TANGO6: variants seen among roughly 807,000 people sequenced by gnomAD.
The protein encoded by TANGO6 is transport and Golgi organization protein 6 homolog.
A neutral mutation model predicts 114.2 loss-of-function variants in TANGO6; 90 were observed. The observed-to-expected ratio is 0.79, with a 90% CI of 0.66 to 0.94. The LOEUF is 0.94. Among genes scored for constraint, TANGO6 ranks in the 40% least tolerant of loss-of-function variants. The pLI is 0.00. For synonymous variants in TANGO6, 477 were observed against 509.8 expected (o/e 0.94, Z 0.87); for missense variants, 1,274 against 1,315.3 (o/e 0.97, Z 0.49).
chr16:69,016,849 A>T (rs1001435972), intron 15 of TANGO6, among the ~76,000 whole-genome samples: 2 of 151,964 alleles, frequency 1.3e-5, no homozygotes, highest in African/African-American at 4.8e-5. Flanking sequence ...TTTAGTAGAG[A>T]TGGGTTTCAC....
chr16:69,021,725 A>G (rs1370962005), intron 15 of TANGO6, among the ~76,000 whole-genome samples: 1 of 152,094 alleles, frequency 6.6e-6, no homozygotes, highest in African/African-American at 2.4e-5. Context: ...TAAGACAGGG[A>G]AAAGTAGGCT....
intron 9 of TANGO6, among the ~76,000 whole-genome samples, 191 bp from the exon 10 acceptor site, chr16:68,907,252 C>A (rs1214160000): frequency 6.6e-6 from 1 of 152,018 alleles, no homozygotes; most frequent in African/African-American, 2.4e-5. Flanking sequence ...TGGCCCATAA[C>A]AGCCTAGTTT....
rs536460853 is a variant in TANGO6 at position 68,909,364 on chromosome 16, G to A, written c.1954G>A (p.Glu652Lys). 6.9e-6 allele frequency: 11 copies of A among 1,585,840 alleles called. No homozygotes were observed. Among genetic ancestry groups the A allele is most frequent in the South Asian group, 5.7e-5 (5 of 87,152 alleles). The change falls in exon 11 of 18, where the codon GAG (glutamate) becomes AAG (lysine). Residue 652 changes from glutamate (E) to lysine (K), a missense_variant. Glu to Lys is a moderately conservative substitution (Grantham distance 56, BLOSUM62 1). Around this residue, in one of 5 missense-constraint regions of TANGO6, gnomAD observed 908 missense variants for 910.2 expected, o/e 1.00. Coordinates refer to ENST00000261778, the MANE Select transcript of TANGO6 (RefSeq NM_024562.2). ...CCTGCAGCTGATGGCTGTTCTGTGC[G>A]AGAGAATGTCTGAGCAGATATTCAC... ...LVLQLMAVLC[E>K]RMSEQIFTNV...
intron 15 of TANGO6, among the ~76,000 whole-genome samples, chr16:68,987,196 C>T (rs2152216940): frequency 6.6e-6 from 1 of 151,816 alleles, no homozygotes; most frequent in African/African-American, 2.4e-5. Flanking sequence ...AATATAAATT[C>T]TCATCTATGT....
intron 15 of TANGO6, among the ~76,000 whole-genome samples, chr16:69,009,298 C>G (rs921302928): frequency 6.6e-6 from 1 of 151,896 alleles, no homozygotes; most frequent in Non-Finnish European, 1.5e-5. Context: ...TAAGGCTGGT[C>G]TCGAACTCCT....
At chr16:68,850,456 A>G (rs567097674) in intron 1 of TANGO6, among the ~76,000 whole-genome samples, 1 of 152,334 alleles carries the variant, frequency 6.6e-6, no homozygotes, top group Non-Finnish European at 1.5e-5. Context: ...ATCCAGGTCT[A>G]TAATCTTTTC....
rs775553124 is a variant in TANGO6, at chr16:68,974,046, AC to A, written c.2721del (p.Asp907GlufsTer28). 6.2e-7 allele frequency: 1 copy of A among 1,610,014 alleles called. No homozygotes were observed. Among genetic ancestry groups the A allele is most frequent in the South Asian group, 1.1e-5 (1 of 90,234 alleles). On this transcript the variant is annotated frameshift_variant, in exon 15 of 18. Coordinates refer to ENST00000261778, the MANE Select transcript of TANGO6 (RefSeq NM_024562.2). LOFTEE classifies it high-confidence loss of function. ...SAIQGVALLS[D>X]VYPEKILPDL... ...ACCCCAGGGGTTGCCCTGCTGTCAG[AC>A]GTCTATCCTGAGAAAATCTTGCCGG...
At chr16:69,038,128 A>G (rs1022952381) in intron 16 of TANGO6, among the ~76,000 whole-genome samples, 3 of 152,312 alleles carry the variant, frequency 2.0e-5, no homozygotes, top group African/African-American at 4.8e-5. Context: ...AGTAAGTCCA[A>G]TAACAAAAGT....
In TANGO6 at chr16:68,875,134, ATC is replaced by A; in HGVS notation, c.995-13_995-12del. 1.9e-6 allele frequency: 3 copies of A among 1,607,052 alleles called. No homozygotes were observed. Among genetic ancestry groups the A allele is most frequent in the Non-Finnish European group, 2.6e-6 (3 of 1,174,660 alleles). On this transcript the variant is annotated intron_variant, in intron 4 of 17. Transcript: ENST00000261778. ...TGGGGAATTGCTGTGAGCTGCTAACATCTCTCTCCATTGTGCCAGCGGGAGCA... is the reference window on the plus strand; with the variant it reads ...TGGGGAATTGCTGTGAGCTGCTAACATCTCTCCATTGTGCCAGCGGGAGCA...
intron 4 of TANGO6, among the ~76,000 whole-genome samples, chr16:68,870,193 G>T (rs1044171460): frequency 3.9e-5 from 6 of 152,174 alleles, no homozygotes. Context: ...GAAATGGAGA[G>T]AAATGAATGG....
At chr16:68,877,469 A>G (rs1318181089) in intron 5 of TANGO6, among the ~76,000 whole-genome samples, 1 of 79,956 alleles carries the variant, frequency 1.3e-5, no homozygotes, top group Non-Finnish European at 2.3e-5. Context: ...CTCCATCTCA[A>G]AAAAAAAAAA....
intron 15 of TANGO6, among the ~76,000 whole-genome samples, chr16:68,983,809 G>A (rs539713820): frequency 5.3e-5 from 8 of 152,076 alleles, no homozygotes; most frequent in African/African-American, 1.4e-4. Flanking sequence ...CGAGGCGGGC[G>A]GATCATGAGG....
At chr16:68,988,692 C>CTCTTTT (rs776428911) in intron 15 of TANGO6, among the ~76,000 whole-genome samples, 9 of 112,446 alleles carry the variant, frequency 8.0e-5, no homozygotes, top group African/African-American at 3.2e-4. Context: ...TTCTCTCTCT[C>CTCTTTT]TTTTTTTTTT....
intron 17 of TANGO6, among the ~76,000 whole-genome samples, chr16:69,065,186 C>A (rs1960195352): frequency 6.6e-6 from 1 of 152,224 alleles, no homozygotes; most frequent in East Asian, 1.9e-4. Flanking sequence ...TTTGCCACCG[C>A]TGCTCCTGCC....
chr16:68,865,352 C>G (rs1962160099), intron 3 of TANGO6, among the ~76,000 whole-genome samples: 1 of 151,436 alleles, frequency 6.6e-6, no homozygotes, highest in Non-Finnish European at 1.5e-5. Flanking sequence ...CTAGAACATT[C>G]AAACTGCAGC....
At chr16:68,900,253 C>CCTGT in intron 7 of TANGO6, 181 bp from the exon 8 acceptor site, 1 of 588,830 alleles carries the variant, frequency 1.7e-6, no homozygotes, top group East Asian at 2.8e-5. Flanking sequence ...CTTGTTTCAG[C>CCTGT]CTGTCTGCCA....
At chr16:68,925,946 T>C (rs1963161660) in intron 12 of TANGO6, among the ~76,000 whole-genome samples, 1 of 151,214 alleles carries the variant, frequency 6.6e-6, no homozygotes, top group South Asian at 2.1e-4. Context: ...ATTTAAAGCC[T>C]TTGCTCCTTT....
chr16:68,985,198 TG>T (rs1963878623), intron 15 of TANGO6, among the ~76,000 whole-genome samples: 1 of 152,204 alleles, frequency 6.6e-6, no homozygotes, highest in South Asian at 2.1e-4. Context: ...TAATATTGAC[TG>T]TGTTATAATC....
chr16:68,975,561 T>C (rs951260000), intron 15 of TANGO6, among the ~76,000 whole-genome samples: 1 of 151,772 alleles, frequency 6.6e-6, no homozygotes, highest in African/African-American at 2.4e-5. Flanking sequence ...CTTTTCTTTT[T>C]TTTTTGTTTT....
Sources: gnomAD v4.1 joint callset for allele counts (sites outside exome capture counted in the v4.1 genomes callset) on GRCh38, gnomAD v4.1.1 for gene constraint, gnomAD v4.1.1 regional missense constraint, MANE v1.5 for transcripts, NCBI Gene and HGNC (gene_info 2026-07-23, HGNC 2026-07-21) for gene names.